Variants in TRIM17 observed in about 807,000 individuals in gnomAD.
TRIM17 encodes the protein tripartite motif containing 17, also known as E3 ubiquitin-protein ligase TRIM17.
Under a neutral mutation model 35.8 loss-of-function variants are expected in TRIM17, and 27 were observed. The observed-to-expected ratio is 0.75, with a 90% CI of 0.56 to 1.04. The LOEUF (loss-of-function observed/expected upper bound fraction) is 1.04, where lower values mean the gene tolerates loss of function less well. TRIM17 is among the 50% of genes least tolerant of loss of function. TRIM17 has a pLI of 0.00. For synonymous variants in TRIM17, 246 were observed against 252.6 expected (o/e 0.97, Z 0.25); for missense variants, 582 against 612.8 (o/e 0.95, Z 0.53).
At chr1:228,412,595 C>CAAAAA (rs34002550) in intron 3 of TRIM17, among the ~76,000 whole-genome samples, 6 of 47,424 alleles carry the variant, frequency 1.3e-4, no homozygotes, top group Non-Finnish European at 2.1e-4. Context: ...CTTGTCTCTA[C>CAAAAA]AAAAAAAAAA....
Position 228,408,906 on chromosome 1 carries a change from C to T in TRIM17, c.884-155G>A. The T allele has an allele frequency of 1.3e-6, 2 of 1,481,562 alleles. No homozygotes were observed. The highest frequency in any genetic ancestry group is 2.4e-5 in the Admixed American group (1 of 42,532). The allele number at this position is 1,481,562 out of a possible 1,614,324, so 91.8% of individuals were successfully genotyped here. A position where few individuals can be genotyped will look rare whatever the true frequency, so the allele number is the denominator to read the frequency against. On this transcript the variant is annotated intron_variant, in intron 6 of 6. Transcript: ENST00000366698. This position sits in a 1 kb window ranked among gnomAD's most constrained non-coding sequence, Gnocchi z 6.3. Reference sequence around the variant, plus strand: ...GTGAATCTGGGGTTACTTGATGCTTCCACACACCAATTGTGTGTGGGCCTT... The same window carrying T: ...GTGAATCTGGGGTTACTTGATGCTTTCACACACCAATTGTGTGTGGGCCTT...
rs1393527678 is a variant in TRIM17 at position 228,408,316 on chromosome 1, A to G, written c.1319T>C (p.Leu440Pro). The G allele has an allele frequency of 1.2e-6, 2 of 1,612,080 alleles. No homozygotes were observed. The highest frequency in any genetic ancestry group is 1.7e-5 in the Admixed American group (1 of 59,942). The change falls in exon 7 of 7, where the codon CTG becomes CCG. Residue 440 changes from leucine to proline, a missense_variant. Physicochemically the swap from Leu to Pro is moderately conservative, Grantham distance 98. Transcript: ENST00000366698. The surrounding 1 kb of genome is among the most constrained non-coding windows in gnomAD (Gnocchi z 6.3). ...SFYSVSDGSH[L>P]HTYSQATFPG... The stretch of plus-strand genomic sequence containing the variant: ...GAAGGTGGCCTGGGAGTAGGTGTGC[A>G]GGTGGGACCCATCGCTTACACTGTA...
rs201061584 is a variant in TRIM17 at position 228,414,722 on chromosome 1, G to A, written c.351C>T (p.Ile117=). ...CCCGGGACTCCCTGCACACCACACAGATGGGGCTCTGGTCCTTCTGGCAGA... is the reference window on the plus strand; with the variant it reads ...CCCGGGACTCCCTGCACACCACACAAATGGGGCTCTGGTCCTTCTGGCAGA... ...KLFCQKDQSP[I]CVVCRESREH... Residue 117 remains isoleucine, a synonymous_variant, in exon 2 of 7, where the codon ATC becomes ATT. Transcript: ENST00000366698. 4 of 1,612,394 alleles carry A rather than the reference G, an allele frequency of 2.5e-6. No individual in the cohort carries two copies. The highest frequency in any genetic ancestry group is 3.4e-6 in the Non-Finnish European group (4 of 1,180,038).
intron 3 of TRIM17, among the ~76,000 whole-genome samples, chr1:228,413,390 T>C (rs537636917): frequency 1.6e-3 from 243 of 152,182 alleles, no homozygotes; most frequent in African/African-American, 5.6e-3. Context: ...TATTCCTTTG[T>C]GGTGCTGACC....
In TRIM17 at chr1:228,408,370, A is replaced by T. The variant is rs781670355; in HGVS notation, c.1265T>A (p.Leu422Gln). ...GGACACTTCCCCGGCTTCGAAGTCC[A>T]GGAAGATGCCCATGTGGCTGGGAGG... ...MEPPSHMGIF[L>Q]DFEAGEVSFY... is the part of the protein sequence containing the mutation. The change falls in exon 7 of 7, where the codon CTG (leucine) becomes CAG (glutamine). Residue 422 changes from leucine to glutamine, a missense_variant. Physicochemically the swap from Leu to Gln is moderately radical, Grantham distance 113. Coordinates refer to ENST00000366698, the MANE Select transcript of TRIM17 (RefSeq NM_016102.4). The surrounding 1 kb of genome is among the most constrained non-coding windows in gnomAD (Gnocchi z 6.3). The T allele has an allele frequency of 1.2e-6, 2 of 1,614,042 alleles. No homozygotes were observed. The highest frequency in any genetic ancestry group is 2.7e-5 in the African/African-American group (2 of 74,938).
rs751711824 is a variant in TRIM17, at chr1:228,408,519, G to T, written c.1116C>A (p.Asp372Glu). ...GGACCCTGTCTTTCCGGCTCACGTT[G>T]TCCCTGCACACACCCAGGGCCCACA... ...DALWALGVCR[D>E]NVSRKDRVPK... Residue 372 changes from aspartate to glutamate, a missense_variant, in exon 7 of 7, where the codon GAC (aspartate) becomes GAA (glutamate). Asp to Glu is a conservative substitution (Grantham distance 45). Coordinates refer to ENST00000366698, the MANE Select transcript of TRIM17 (RefSeq NM_016102.4). This position sits in a 1 kb window ranked among gnomAD's most constrained non-coding sequence, Gnocchi z 6.3. The T allele has an allele frequency of 1.9e-6, 3 of 1,614,108 alleles. No homozygotes were observed. In the Admixed American group the frequency reaches 5.0e-5, roughly 27 times the overall value.
In TRIM17 at chr1:228,408,493, G is replaced by A. The variant is rs1656570232; in HGVS notation, c.1142C>T (p.Pro381Leu). 6.2e-7 allele frequency: 1 copy of A among 1,614,072 alleles called. No homozygotes were observed. Among genetic ancestry groups the A allele is most frequent in the Admixed American group, 1.7e-5 (1 of 60,020 alleles). ...RDNVSRKDRVPKCPENGFWVV... is the reference protein window; with the variant it reads ...RDNVSRKDRVLKCPENGFWVV... ...CCAGAAGCCGTTTTCGGGGCACTTG[G>A]GGACCCTGTCTTTCCGGCTCACGTT... The change falls in exon 7 of 7, where the codon CCC becomes CTC. Residue 381 changes from proline to leucine, a missense_variant. Coordinates refer to ENST00000366698, the MANE Select transcript of TRIM17 (RefSeq NM_016102.4). This position sits in a 1 kb window ranked among gnomAD's most constrained non-coding sequence, Gnocchi z 6.3.
In TRIM17 at chr1:228,410,996, G is replaced by C; in HGVS notation, c.706C>G (p.Leu236Val). 6.2e-7 allele frequency: 1 copy of C among 1,607,204 alleles called. No individual in the cohort carries two copies. Among genetic ancestry groups the C allele is most frequent in the Non-Finnish European group, 8.5e-7 (1 of 1,176,958 alleles). ...GTGCTCCGCTCCTCCAGCTGCAGCA[G>C]CAGCAGCTCCAGAGAGTGACCCTGC... ...DRQGHSLELL[L>V]LQLEERSTQG... is the part of the protein sequence containing the mutation. The change falls in exon 4 of 7, where the codon CTG becomes GTG. Residue 236 changes from leucine to valine, a missense_variant. Leu to Val is a conservative substitution (Grantham distance 32, BLOSUM62 1). Transcript: ENST00000366698. This position sits in a 1 kb window ranked among gnomAD's most constrained non-coding sequence, Gnocchi z 4.6.
At position 228,410,816 on chromosome 1, in the gene TRIM17, G is replaced by T; in HGVS notation, c.756+130C>A. 1 of 684,732 alleles carries T rather than the reference G, an allele frequency of 1.5e-6. No individual in the cohort carries two copies. Among genetic ancestry groups the T allele is most frequent in the Admixed American group, 3.0e-5 (1 of 32,992 alleles). 42.4% of individuals were successfully genotyped at this position (684,732 alleles called of 1,614,324 possible). A position where few individuals can be genotyped will look rare whatever the true frequency, so the allele number is the denominator to read the frequency against. ...CCCGCACCTTGGCCTCAGCCACCCA[G>T]CCTCCAGGACTAGCAGACTGGGAGC... On this transcript the variant is annotated intron_variant, in intron 4 of 6. Coordinates refer to ENST00000366698, the MANE Select transcript of TRIM17 (RefSeq NM_016102.4). This position sits in a 1 kb window ranked among gnomAD's most constrained non-coding sequence, Gnocchi z 4.6.
chr1:228,409,240 G>T lies in TRIM17; in HGVS notation c.815C>A (p.Ala272Asp). The change falls in exon 6 of 7, where the codon GCC becomes GAC. Residue 272 changes from alanine (A) to aspartate (D), a missense_variant. Physicochemically the swap from Ala to Asp is moderately radical, Grantham distance 126. Coordinates refer to ENST00000366698, the MANE Select transcript of TRIM17 (RefSeq NM_016102.4). Reference protein sequence around the residue: ...NNVSVQCPEVAPPTRPRTVCR... With the variant: ...NNVSVQCPEVDPPTRPRTVCR... Reference sequence around the variant, plus strand: ...CACAGTCCTGGGTCTGGTTGGGGGGGCAACCTCTGGGCACTGCACACTCAC... The same window carrying T: ...CACAGTCCTGGGTCTGGTTGGGGGGTCAACCTCTGGGCACTGCACACTCAC... 1.2e-6 allele frequency: 2 copies of T among 1,613,894 alleles called. No individual in the cohort carries two copies. The highest frequency in any genetic ancestry group is 1.1e-5 in the South Asian group (1 of 91,078).
chr1:228,416,248 C>G (rs1352686248), intron 1 of TRIM17: 1 of 786,668 alleles, frequency 1.3e-6, no homozygotes, highest in African/African-American at 1.9e-5. Flanking sequence ...CGACTCCCCC[C>G]AAGAGCCCTA....
rs1656536526 is a variant in TRIM17 at position 228,408,107 on chromosome 1, G to C, written c.*94C>G. On this transcript the variant is annotated 3_prime_UTR_variant, in exon 7 of 7. Coordinates refer to ENST00000366698, the MANE Select transcript of TRIM17 (RefSeq NM_016102.4). This position sits in a 1 kb window ranked among gnomAD's most constrained non-coding sequence, Gnocchi z 6.3. ...CTGTGTGTCTAATGGCTGCCAGCGT[G>C]ATGCCAGAGAACCCTGGCAGGTGGC... The C allele has an allele frequency of 2.4e-6, 3 of 1,230,636 alleles. No homozygotes were observed. Among genetic ancestry groups the C allele is most frequent in the Admixed American group, 2.5e-5 (1 of 40,798 alleles). The allele number at this position is 1,230,636 out of a possible 1,614,324, so 76.2% of individuals were successfully genotyped here.
In TRIM17 at chr1:228,408,858, A is replaced by G. The variant is rs1012642256; in HGVS notation, c.884-107T>C. 4.6e-5 allele frequency: 69 copies of G among 1,498,064 alleles called. No individual in the cohort carries two copies. The Admixed American group carries it at 1.5e-3, about 32-fold the overall frequency. 92.8% of individuals were successfully genotyped at this position (1,498,064 alleles called of 1,614,324 possible). A position where few individuals can be genotyped will look rare whatever the true frequency, so the allele number is the denominator to read the frequency against. On this transcript the variant is annotated intron_variant, in intron 6 of 6. Transcript: ENST00000366698. The surrounding 1 kb of genome is among the most constrained non-coding windows in gnomAD (Gnocchi z 6.3). ...GGTGGATGTGGCCAATGGTCCCCTA[A>G]CTCCGCAGAGGCCTCCCCTGCTGTG...
In TRIM17 at chr1:228,416,700, G is replaced by A. The variant is rs1353436086; in HGVS notation, c.-203C>T. The A allele has an allele frequency of 3.1e-6, 3 of 980,542 alleles. No individual in the cohort carries two copies. The highest frequency in any genetic ancestry group is 4.7e-5 in the South Asian group (1 of 21,206). 60.7% of individuals were successfully genotyped at this position (980,542 alleles called of 1,614,324 possible). On this transcript the variant is annotated 5_prime_UTR_variant, in exon 1 of 7. Transcript: ENST00000366698. Reference sequence around the variant, plus strand: ...TAGGGACTTTGTGGCGTCAGCGGGGGCTGGGGGGCGGCGGGGGAGGGGAAT... The same window carrying A: ...TAGGGACTTTGTGGCGTCAGCGGGGACTGGGGGGCGGCGGGGGAGGGGAAT...
rs139645411 is a variant in TRIM17, at chr1:228,415,461, C to T, written c.-41-348G>A. On this transcript the variant is annotated intron_variant, in intron 1 of 6. Transcript: ENST00000366698. ...CCTTCAACCTGCCTTTCTGGAGAAGCCTGCTAGGTCAGCTTAGGGAGAAGC... is the reference window on the plus strand; with the variant it reads ...CCTTCAACCTGCCTTTCTGGAGAAGTCTGCTAGGTCAGCTTAGGGAGAAGC... 6.2e-3 allele frequency: 1,178 copies of T among 190,138 alleles called. 6 individuals are homozygous for T. Among genetic ancestry groups the T allele is most frequent in the Admixed American group, 5.8e-3 (109 of 18,882 alleles). The allele number at this position is 190,138 out of a possible 1,614,324, so 11.8% of individuals were successfully genotyped here.
In TRIM17 at chr1:228,416,565, C is replaced by T; in HGVS notation, c.-68G>A. 1.0e-6 allele frequency: 1 copy of T among 985,626 alleles called. No individual in the cohort carries two copies. Among genetic ancestry groups the T allele is most frequent in the Non-Finnish European group, 1.2e-6 (1 of 830,276 alleles). 61.1% of individuals were successfully genotyped at this position (985,626 alleles called of 1,614,324 possible). A position where few individuals can be genotyped will look rare whatever the true frequency, so the allele number is the denominator to read the frequency against. ...GCGGGGAAGGGGGGCCCGCACAGCG[C>T]CTAGTGCACCTGGCCGAGCGCTCGC... On this transcript the variant is annotated 5_prime_UTR_variant, in exon 1 of 7. Coordinates refer to ENST00000366698, the MANE Select transcript of TRIM17 (RefSeq NM_016102.4).
chr1:228,411,900 G>A lies in TRIM17; in HGVS notation c.526-724C>T, dbSNP rs563828311. Among the ~76,000 whole-genome samples, 1 of 152,304 alleles carries A rather than the reference G, an allele frequency of 6.6e-6. No individual in the cohort carries two copies. The highest frequency in any genetic ancestry group is 2.1e-4 in the South Asian group (1 of 4,824). On this transcript the variant is annotated intron_variant, in intron 3 of 6. Transcript: ENST00000366698. This position sits in a 1 kb window ranked among gnomAD's most constrained non-coding sequence, Gnocchi z 4.2. ...TGCTGTCTCAGACTCCTGGGCTCAG[G>A]TGATCCTCAGGGGCCACTGTTTTGA... is the stretch of plus-strand genomic sequence containing the variant.
chr1:228,410,953 A>T lies in TRIM17; in HGVS notation c.749T>A (p.Met250Lys). The change falls in exon 4 of 7, where the codon ATG (methionine) becomes AAG (lysine). Residue 250 changes from methionine (M) to lysine (K), a missense_variant. Transcript: ENST00000366698. The surrounding 1 kb of genome is among the most constrained non-coding windows in gnomAD (Gnocchi z 4.6). ...CCAAGCCTACTGGCTCACCTGCAGC[A>T]TCTGGAGGGGCCCCTGTGTGCTCCG... ...EERSTQGPLQ[M>K]LQDMKEPLSR... 1 of 1,565,608 alleles carries T rather than the reference A, an allele frequency of 6.4e-7. No individual in the cohort carries two copies. The highest frequency in any genetic ancestry group is 1.4e-5 in the African/African-American group (1 of 73,810).
Position 228,411,066 on chromosome 1 carries a change from CTCT to C in TRIM17, c.633_635del (p.Glu213del), listed in dbSNP as rs762311052. 4 of 1,613,982 alleles carry C rather than the reference CTCT, an allele frequency of 2.5e-6. No individual in the cohort carries two copies. The highest frequency in any genetic ancestry group is 4.5e-5 in the East Asian group (2 of 44,878). On this transcript the variant is annotated inframe_deletion, in exon 4 of 7. Transcript: ENST00000366698. This position sits in a 1 kb window ranked among gnomAD's most constrained non-coding sequence, Gnocchi z 4.2. ...TCTCCCGGAGCCTGCTGGCAGTCTC[CTCT>C]TCTTCCGTCTCCAGAGCCTGGAGGA...
Sources: gnomAD v4.1 joint callset for allele counts (sites outside exome capture counted in the v4.1 genomes callset) on GRCh38, gnomAD v4.1.1 for gene constraint, Gnocchi (gnomAD v3.1) non-coding constraint, MANE v1.5 for transcripts, NCBI Gene and HGNC (gene_info 2026-07-23, HGNC 2026-07-21) for gene names.